The following ROBO2 variants were observed in gnomAD, a reference collection of about 807,000 sequenced individuals.
The protein encoded by ROBO2 is roundabout guidance receptor 2.
ROBO2 carries 53 observed loss-of-function variants against 160.8 expected under a neutral mutation model. The ratio of observed to expected loss-of-function variants is 0.33; its 90% CI spans 0.26 to 0.41. The LOEUF (loss-of-function observed/expected upper bound fraction) is 0.41. Among genes scored for constraint, ROBO2 ranks in the 10% least tolerant of loss-of-function variants. The probability of loss-of-function intolerance (pLI) is 1.00; values close to 1 mark genes in which losing one functional copy is unlikely to be tolerated. For missense variants in ROBO2, 1,577 were observed against 1,722.4 expected (o/e 0.92, Z 1.49); for synonymous variants, 664 against 611.7 (o/e 1.09, Z -1.26).
chr3:77,011,892 G>A (rs1347254232), intron 2 of ROBO2, among the ~76,000 whole-genome samples: 1 of 151,730 alleles, frequency 6.6e-6, no homozygotes, highest in Non-Finnish European at 1.5e-5. Context: ...TTCCTCACTT[G>A]GTGTCATGAT....
intron 2 of ROBO2, among the ~76,000 whole-genome samples, chr3:76,752,426 A>G (rs557753808): frequency 6.6e-6 from 1 of 151,378 alleles, no homozygotes; most frequent in Non-Finnish European, 1.5e-5. Flanking sequence ...CCTAGAACAT[A>G]AAGTATAAAA....
chr3:76,149,145 G>C (rs1458617235), intron 2 of ROBO2, among the ~76,000 whole-genome samples: 1 of 151,886 alleles, frequency 6.6e-6, no homozygotes, highest in Admixed American at 6.6e-5. Context: ...ATATATCTAG[G>C]ACATCAACTA....
At chr3:76,477,592 T>A (rs2107238301) in intron 2 of ROBO2, among the ~76,000 whole-genome samples, 1 of 152,250 alleles carries the variant, frequency 6.6e-6, no homozygotes, top group Admixed American at 6.5e-5. Flanking sequence ...AACTCAAAAC[T>A]ATCTTAATAA....
At chr3:77,279,935 A>G (rs72895167) in intron 2 of ROBO2, among the ~76,000 whole-genome samples, 3,848 of 152,248 alleles carry the variant, frequency 0.025, 159 homozygotes, top group African/African-American at 0.087. Flanking sequence ...CCTTGTGATT[A>G]CTTTTAAACC....
At chr3:76,453,836 G>A (rs748006331) in intron 2 of ROBO2, among the ~76,000 whole-genome samples, 33 of 152,040 alleles carry the variant, frequency 2.2e-4, no homozygotes, top group Non-Finnish European at 1.3e-4. Context: ...TACTTGGTAG[G>A]AAATAGCTCC....
At chr3:76,424,828 G>A (rs969372252) in intron 2 of ROBO2, among the ~76,000 whole-genome samples, 8 of 152,188 alleles carry the variant, frequency 5.3e-5, no homozygotes, top group South Asian at 2.1e-4. Context: ...ATTGCCAATC[G>A]TGCTACAATA....
chr3:77,096,757 C>T (rs1449257924), intron 1 of ROBO2, among the ~76,000 whole-genome samples: 1 of 152,028 alleles, frequency 6.6e-6, no homozygotes, highest in Admixed American at 6.6e-5. Context: ...GCCTCTCTTT[C>T]GATTTCTTAC....
intron 2 of ROBO2, among the ~76,000 whole-genome samples, chr3:76,837,669 C>T (rs1164621337): frequency 6.6e-6 from 1 of 151,740 alleles, no homozygotes; most frequent in Non-Finnish European, 1.5e-5. Flanking sequence ...TTGTTGTTGA[C>T]TCATTTGCAG....
chr3:77,076,962 G>A (rs924750793), intron 1 of ROBO2, among the ~76,000 whole-genome samples: 4 of 152,140 alleles, frequency 2.6e-5, no homozygotes, highest in African/African-American at 9.7e-5. Context: ...AGATGATACT[G>A]AAACAGCTCA....
At chr3:76,546,338 A>C (rs559312225) in intron 2 of ROBO2, among the ~76,000 whole-genome samples, 2 of 152,034 alleles carry the variant, frequency 1.3e-5, no homozygotes, top group South Asian at 2.1e-4. Flanking sequence ...TTAACTAATT[A>C]TTTTTAGCAA....
intron 2 of ROBO2, among the ~76,000 whole-genome samples, chr3:76,029,773 C>T (rs2107701042): frequency 6.6e-6 from 1 of 152,300 alleles, no homozygotes; most frequent in East Asian, 1.9e-4. Context: ...CATTGATGGA[C>T]ACTTGGGTTG....
At chr3:76,088,316 C>A (rs1272333335) in intron 2 of ROBO2, among the ~76,000 whole-genome samples, 6 of 151,860 alleles carry the variant, frequency 4.0e-5, no homozygotes, top group Admixed American at 3.3e-4. Context: ...TGGGCAAATC[C>A]AACAGGCAGA....
chr3:76,646,668 AC>A (rs1361860851), intron 2 of ROBO2, among the ~76,000 whole-genome samples: 1 of 152,208 alleles, frequency 6.6e-6, no homozygotes, highest in Non-Finnish European at 1.5e-5. Context: ...ACATGTAGAC[AC>A]AGCAATAAGA....
chr3:76,736,746 T>C (rs2093719464), intron 2 of ROBO2, among the ~76,000 whole-genome samples: 2 of 152,222 alleles, frequency 1.3e-5, no homozygotes, highest in African/African-American at 4.8e-5. Context: ...TCTAATCTAT[T>C]TCATTCTGAA....
chr3:77,177,810 A>C (rs2080301102), intron 2 of ROBO2, among the ~76,000 whole-genome samples: 1 of 152,026 alleles, frequency 6.6e-6, no homozygotes, highest in African/African-American at 2.4e-5. Context: ...TGTGAAGTAG[A>C]TCTCTTTCCC....
At chr3:76,057,530 T>G (rs2067890909) in intron 2 of ROBO2, among the ~76,000 whole-genome samples, 1 of 152,218 alleles carries the variant, frequency 6.6e-6, no homozygotes. Flanking sequence ...TGCTGCACAC[T>G]TCTGCATTCG....
At chr3:76,009,400 G>T (rs2066130502) in intron 2 of ROBO2, among the ~76,000 whole-genome samples, 1 of 152,192 alleles carries the variant, frequency 6.6e-6, no homozygotes, top group African/African-American at 2.4e-5. Flanking sequence ...ACCGCGCCTG[G>T]CTGAAGATCC....
intron 2 of ROBO2, among the ~76,000 whole-genome samples, chr3:76,984,858 T>A (rs764242357): frequency 4.3e-4 from 65 of 152,206 alleles, no homozygotes; most frequent in African/African-American, 1.2e-3. Flanking sequence ...TTACATATAC[T>A]TTTATTATTA....
chr3:76,011,131 A>G (rs1362692688), intron 2 of ROBO2, among the ~76,000 whole-genome samples: 3 of 152,112 alleles, frequency 2.0e-5, no homozygotes, highest in Non-Finnish European at 4.4e-5. Context: ...CTTTCCTACC[A>G]TGTATACTCC....
Sources: gnomAD v4.1 joint callset for allele counts (sites outside exome capture counted in the v4.1 genomes callset) on GRCh38, gnomAD v4.1.1 for gene constraint, MANE v1.5 for transcripts, NCBI Gene and HGNC (gene_info 2026-07-23, HGNC 2026-07-21) for gene names.